The following RARB variants were observed in gnomAD, a reference collection of about 807,000 sequenced individuals.
RARB encodes the protein retinoic acid receptor beta.
RARB carries 17 observed loss-of-function variants against 51.9 expected under a neutral mutation model. The ratio of observed to expected loss-of-function variants is 0.33; its 90% confidence interval spans 0.22 to 0.49. The LOEUF is 0.49. Among genes scored for constraint, RARB ranks in the 20% least tolerant of loss-of-function variants. RARB has a pLI of 0.99. For missense variants in RARB, 369 were observed against 550.8 expected, an observed-to-expected ratio of 0.67 and a Z score of 3.30; for synonymous variants, 215 against 195.4, an observed-to-expected ratio of 1.10 and a Z score of -0.84.
chr3:24,846,139 G>A (rs1320556611), intron 1 of RARB, among the ~76,000 whole-genome samples: 2 of 152,158 alleles, frequency 1.3e-5, no homozygotes, highest in African/African-American at 4.8e-5. Context: ...GACAAAATTG[G>A]TGGTTTAACA....
chr3:25,486,063 G>A (rs766650477), intron 2 of RARB, among the ~76,000 whole-genome samples: 1 of 152,196 alleles, frequency 6.6e-6, no homozygotes, highest in Non-Finnish European at 1.5e-5. Flanking sequence ...TTTTGTGTCT[G>A]GTTATTGACT....
chr3:25,399,191 C>T (rs1211774384), intron 5 of RARB, among the ~76,000 whole-genome samples: 1 of 152,224 alleles, frequency 6.6e-6, no homozygotes, highest in Non-Finnish European at 1.5e-5. Flanking sequence ...AATAAACCCC[C>T]TGGGCTTGCT....
chr3:25,402,153 C>G (rs1053041260), intron 5 of RARB, among the ~76,000 whole-genome samples: 1 of 152,114 alleles, frequency 6.6e-6, no homozygotes. Context: ...AGAAAAAAGC[C>G]ACAAATTTTC....
chr3:25,354,514 G>T (rs575507688), intron 5 of RARB, among the ~76,000 whole-genome samples: 5 of 152,046 alleles, frequency 3.3e-5, no homozygotes, highest in Non-Finnish European at 5.9e-5. Flanking sequence ...AGGAGAAAAA[G>T]AACTATCATA....
intron 5 of RARB, among the ~76,000 whole-genome samples, chr3:25,202,895 G>A (rs1701432850): frequency 6.6e-6 from 1 of 152,174 alleles, no homozygotes; most frequent in Non-Finnish European, 1.5e-5. Context: ...GTGGTGCTGA[G>A]AAGAATGTAT....
chr3:25,240,025 C>G (rs1341093556), intron 5 of RARB, among the ~76,000 whole-genome samples: 1 of 149,612 alleles, frequency 6.7e-6, no homozygotes, highest in Non-Finnish European at 1.5e-5. Flanking sequence ...AAATTTTTTC[C>G]TAGGTTGTTG....
chr3:25,133,280 A>T (rs79936225), intron 4 of RARB, among the ~76,000 whole-genome samples: 3 of 152,070 alleles, frequency 2.0e-5, no homozygotes, highest in Admixed American at 6.6e-5. Flanking sequence ...ATCACTGATT[A>T]TTTTCCCTAA....
intron 5 of RARB, among the ~76,000 whole-genome samples, chr3:25,378,066 G>T (rs1419288910): frequency 6.6e-6 from 1 of 152,176 alleles, no homozygotes; most frequent in South Asian, 2.1e-4. Flanking sequence ...AGCCATCAAA[G>T]TTATGTTTTT....
chr3:24,877,432 A>C (rs978092814), intron 2 of RARB, among the ~76,000 whole-genome samples: 2 of 143,740 alleles, frequency 1.4e-5, no homozygotes, highest in African/African-American at 5.0e-5. Flanking sequence ...GAACCTTTAA[A>C]AGTAGAGTGC....
At chr3:25,476,755 G>T (rs1695969486) in intron 2 of RARB, among the ~76,000 whole-genome samples, 7 of 152,182 alleles carry the variant, frequency 4.6e-5, no homozygotes, top group Admixed American at 4.6e-4. Flanking sequence ...CTTCCCTGGA[G>T]TAGAAGTGCT....
At chr3:25,346,818 C>A (rs1354222418) in intron 5 of RARB, among the ~76,000 whole-genome samples, 1 of 152,214 alleles carries the variant, frequency 6.6e-6, no homozygotes, top group East Asian at 1.9e-4. Flanking sequence ...CATCAAACAG[C>A]AAACCCTCAA....
chr3:25,534,849 A>G (rs1340769205), intron 3 of RARB, among the ~76,000 whole-genome samples: 1 of 152,176 alleles, frequency 6.6e-6, no homozygotes, highest in African/African-American at 2.4e-5. Context: ...AAGAAGTTCC[A>G]GCTTCTGCTG....
At position 24,961,556 on chromosome 3, in the gene RARB, G is replaced by C. The variant is rs189094426; in HGVS notation, c.-379-98569G>C. ...TGGTAATAACTCTTTATCTATGGAA[G>C]GAATCATATGAGACTTTCCAGGTTG... On this transcript the variant is annotated intron_variant, in intron 2 of 11. Transcript: ENST00000383772. Among the ~76,000 whole-genome samples the C allele has an allele frequency of 1.5e-3, 224 of 151,732 alleles. 1 individual carries two copies. The highest frequency in any genetic ancestry group is 5.2e-3 in the African/African-American group (214 of 41,448).
At chr3:25,465,518 A>T (rs1159392807) in intron 2 of RARB, among the ~76,000 whole-genome samples, 1 of 152,142 alleles carries the variant, frequency 6.6e-6, no homozygotes, top group Non-Finnish European at 1.5e-5. Context: ...ATTGACTATT[A>T]TTTGGGGAAG....
intron 3 of RARB, among the ~76,000 whole-genome samples, chr3:25,066,745 C>CA (rs916784975): frequency 2.8e-4 from 42 of 151,058 alleles, no homozygotes; most frequent in Non-Finnish European, 4.4e-4. Flanking sequence ...CCAAAAATAC[C>CA]AAAAAAAAAC....
intron 2 of RARB, among the ~76,000 whole-genome samples, chr3:24,882,527 A>G (rs1703187857): frequency 6.6e-6 from 1 of 152,224 alleles, no homozygotes; most frequent in East Asian, 1.9e-4. Context: ...GCAATCCCCC[A>G]TGGATACAAA....
chr3:24,972,953 C>A (rs73143037), intron 2 of RARB, among the ~76,000 whole-genome samples: 2,032 of 152,008 alleles, frequency 0.013, 40 homozygotes, highest in African/African-American at 0.046. Flanking sequence ...TTGTTTCCTT[C>A]GCTATGCAGA....
Position 24,875,327 on chromosome 3 carries a change from A to G in RARB, c.-380+16575A>G, listed in dbSNP as rs925339006. On this transcript the variant is annotated intron_variant, in intron 2 of 11. Coordinates refer to the RARB transcript ENST00000383772. ...CTTGTAAGCCTGGCTTAGGCCATCT[A>G]TAGATGATCTGATGTGGTCTGTACA... Among the ~76,000 whole-genome samples the G allele has an allele frequency of 7.2e-5, 11 of 152,144 alleles. 1 individual carries two copies. The highest frequency in any genetic ancestry group is 5.9e-4 in the Admixed American group (9 of 15,268).
intron 3 of RARB, among the ~76,000 whole-genome samples, chr3:25,062,123 C>T (rs925418580): frequency 3.3e-5 from 5 of 151,362 alleles, no homozygotes; most frequent in Non-Finnish European, 7.4e-5. Context: ...AAAAATGGAA[C>T]GTGTTTATAT....
Sources: allele counts gnomAD v4.1 joint callset (sites outside exome capture counted in the v4.1 genomes callset), GRCh38; gene constraint gnomAD v4.1.1; transcripts MANE v1.5; gene names NCBI Gene and HGNC (gene_info 2026-07-23, HGNC 2026-07-21).